Variants in RIC1 observed in about 807,000 individuals in gnomAD.
RIC1 encodes guanine nucleotide exchange factor subunit RIC1.
In RIC1, 88 loss-of-function variants were observed where a neutral mutation model predicts 169.0. The observed-to-expected ratio is 0.52, with a 90% confidence interval of 0.44 to 0.62. The LOEUF (loss-of-function observed/expected upper bound fraction) is 0.62, where lower values mean the gene tolerates loss of function less well. Among genes scored for constraint, RIC1 ranks in the 20% least tolerant of loss-of-function variants. The pLI, the probability that RIC1 is intolerant of heterozygous loss-of-function variation, is 0.00. For synonymous variants in RIC1, 790 were observed against 601.5 expected, an observed-to-expected ratio of 1.31 and a Z score of -4.59; for missense variants, 1,877 against 1,725.5, an observed-to-expected ratio of 1.09 and a Z score of -1.56.
chr9:5,768,847 C>G, intron 21 of RIC1, 123 bp from the exon 22 acceptor site: 1 of 1,052,992 alleles, frequency 9.5e-7, no homozygotes, highest in Non-Finnish European at 1.4e-6. Context: ...TCTTCATTGT[C>G]AATCAGAATT....
rs57873391 is a variant in RIC1, at chr9:5,737,557, T to C, written c.813-893T>C. On this transcript the variant is annotated intron_variant, in intron 7 of 25. Coordinates refer to ENST00000414202, the MANE Select transcript of RIC1 (RefSeq NM_020829.4). ...ATACTGTATATCTACTATATATATA[T>C]CAAATATGTATGTTTATATTTACTA... Among the ~76,000 whole-genome samples, 957 of 149,948 alleles carry C rather than the reference T, an allele frequency of 6.4e-3. 13 individuals carry two copies. The highest frequency in any genetic ancestry group is 0.021 in the African/African-American group (875 of 41,028).
intron 1 of RIC1, among the ~76,000 whole-genome samples, chr9:5,643,170 G>A (rs1423656553): frequency 6.6e-6 from 1 of 152,144 alleles, no homozygotes; most frequent in Non-Finnish European, 1.5e-5. Context: ...AGCTGGCCAT[G>A]GTGGTGCATG....
chr9:5,674,731 T>G (rs917743180), intron 2 of RIC1, among the ~76,000 whole-genome samples: 1 of 152,230 alleles, frequency 6.6e-6, no homozygotes, highest in Non-Finnish European at 1.5e-5. Flanking sequence ...CTCTTGGAAC[T>G]TGTGGATTAC....
At chr9:5,710,438 G>C (rs932874428) in intron 3 of RIC1, among the ~76,000 whole-genome samples, 7 of 152,122 alleles carry the variant, frequency 4.6e-5, no homozygotes, top group Non-Finnish European at 8.8e-5. Flanking sequence ...GATCCTTCCT[G>C]GAGAAATGGA....
At chr9:5,732,565 C>A in intron 7 of RIC1, 86 bp downstream of exon 7, 2 of 787,026 alleles carry the variant, frequency 2.5e-6, no homozygotes, top group Non-Finnish European at 4.2e-6. Context: ...ATGTTCCTAA[C>A]ATACTTATAA....
At chr9:5,704,517 C>T (rs577086773) in intron 3 of RIC1, among the ~76,000 whole-genome samples, 1 of 152,198 alleles carries the variant, frequency 6.6e-6, no homozygotes, top group African/African-American at 2.4e-5. Flanking sequence ...CTGCCTCTCC[C>T]TTCTTTTTAA....
Position 5,772,661 on chromosome 9 carries a change from C to G in RIC1, c.3714C>G (p.Leu1238=), listed in dbSNP as rs753475708. 3.1e-6 allele frequency: 5 copies of G among 1,613,890 alleles called. No homozygotes were observed. Among genetic ancestry groups the G allele is most frequent in the Admixed American group, 3.3e-5 (2 of 59,984 alleles). The stretch of plus-strand genomic sequence containing the variant: ...TGGTGGATGAAAATTTCTCTACACT[C>G]AGTTTAACTCAGTCAGAGCTGGAGC... ...WTMVDENFST[L]SLTQSELEHI... is the part of the protein sequence containing the mutation. The change falls in exon 24 of 26, where the codon CTC becomes CTG. Residue 1238 remains leucine (L), a synonymous_variant. Transcript: ENST00000414202.
chr9:5,670,116 A>C (rs1323107194), intron 2 of RIC1, among the ~76,000 whole-genome samples: 1 of 152,214 alleles, frequency 6.6e-6, no homozygotes, highest in Non-Finnish European at 1.5e-5. Context: ...AGGAAATTTT[A>C]CTTTGCCTGT....
intron 6 of RIC1, among the ~76,000 whole-genome samples, chr9:5,726,254 A>G (rs1233750725): frequency 1.3e-5 from 2 of 152,178 alleles, no homozygotes; most frequent in African/African-American, 4.8e-5. Context: ...GGGTGCATAT[A>G]TATTTAGGAT....
intron 2 of RIC1, among the ~76,000 whole-genome samples, chr9:5,660,207 A>G (rs1300790153): frequency 6.6e-6 from 1 of 152,186 alleles, no homozygotes; most frequent in Non-Finnish European, 1.5e-5. Context: ...GTGGCTGCAT[A>G]GTATTCCATC....
At chr9:5,643,988 C>T (rs1001412827) in intron 1 of RIC1, among the ~76,000 whole-genome samples, 1 of 151,998 alleles carries the variant, frequency 6.6e-6, no homozygotes, top group Non-Finnish European at 1.5e-5. Context: ...AGTAGTTTAC[C>T]TTATTTCAAC....
At chr9:5,632,583 A>G (rs187855890) in intron 1 of RIC1, among the ~76,000 whole-genome samples, 291 of 152,166 alleles carry the variant, frequency 1.9e-3, no homozygotes, top group Non-Finnish European at 3.6e-3. Context: ...GAGCCCCCCA[A>G]ATGGTGTTAA....
At chr9:5,677,977 C>G (rs1157548854) in intron 2 of RIC1, among the ~76,000 whole-genome samples, 3 of 151,988 alleles carry the variant, frequency 2.0e-5, no homozygotes, top group Admixed American at 2.0e-4. Flanking sequence ...AGGTATATCT[C>G]CTAATGCTAT....
At chr9:5,707,623 CTTCT>C (rs1474151983) in intron 3 of RIC1, among the ~76,000 whole-genome samples, 1 of 151,934 alleles carries the variant, frequency 6.6e-6, no homozygotes, top group Non-Finnish European at 1.5e-5. Context: ...TATAAAAATC[CTTCT>C]TTGTCTCTTG....
At position 5,776,287 on chromosome 9, in the gene RIC1, A is replaced by T. The variant is rs1273415683; in HGVS notation, c.*2041A>T. ...GAAAATTTGGTAATTTATTTGTTATATACCTTAATTTTTAAAAACCCATTT... is the reference window on the plus strand; with the variant it reads ...GAAAATTTGGTAATTTATTTGTTATTTACCTTAATTTTTAAAAACCCATTT... On this transcript the variant is annotated 3_prime_UTR_variant, in exon 26 of 26. Coordinates refer to ENST00000414202, the MANE Select transcript of RIC1 (RefSeq NM_020829.4). The T allele has an allele frequency of 2.0e-5, 3 of 152,174 alleles. No individual in the cohort carries two copies. Among genetic ancestry groups the T allele is most frequent in the African/African-American group, 7.2e-5 (3 of 41,458 alleles). 9.4% of individuals were successfully genotyped at this position (152,174 alleles called of 1,614,324 possible).
chr9:5,715,558 A>T (rs1374445610), intron 4 of RIC1, among the ~76,000 whole-genome samples: 1 of 152,228 alleles, frequency 6.6e-6, no homozygotes, highest in Non-Finnish European at 1.5e-5. Context: ...GTGAGAAGAC[A>T]TGAAACTTAG....
chr9:5,765,892 A>G (rs940259930), intron 21 of RIC1, 94 bp downstream of exon 21: 4 of 1,415,942 alleles, frequency 2.8e-6, no homozygotes, highest in Admixed American at 2.0e-5. Flanking sequence ...GGAAACAACT[A>G]TTTAATCCAA....
intron 1 of RIC1, among the ~76,000 whole-genome samples, chr9:5,647,053 G>A (rs922233599): frequency 3.3e-5 from 5 of 152,080 alleles, no homozygotes; most frequent in African/African-American, 1.2e-4. Flanking sequence ...AGCACTGTTT[G>A]TTGAAAAGAC....
intron 1 of RIC1, among the ~76,000 whole-genome samples, chr9:5,649,001 A>G (rs890658433): frequency 1.3e-5 from 2 of 152,140 alleles, no homozygotes; most frequent in African/African-American, 4.8e-5. Flanking sequence ...TATGCACAAA[A>G]CAAGTCTCAA....
Sources: allele counts gnomAD v4.1 joint callset (sites outside exome capture counted in the v4.1 genomes callset), GRCh38; gene constraint gnomAD v4.1.1; transcripts MANE v1.5; gene names NCBI Gene and HGNC (gene_info 2026-07-23, HGNC 2026-07-21).